TESK2: variants seen among roughly 807,000 people sequenced by gnomAD.
TESK2 encodes the protein dual specificity testis-specific protein kinase 2.
A neutral mutation model predicts 57.1 loss-of-function variants in TESK2; 39 were observed. That is an observed-to-expected ratio of 0.68 (90% confidence interval 0.53 to 0.89). The LOEUF (loss-of-function observed/expected upper bound fraction) is 0.89, where lower values mean the gene tolerates loss of function less well. TESK2 is among the 40% of genes least tolerant of loss of function. The probability of loss-of-function intolerance (pLI) is 0.00; values close to 1 mark genes in which losing one functional copy is unlikely to be tolerated. For synonymous variants in TESK2, 249 were observed against 267.9 expected (o/e 0.93, Z 0.69); for missense variants, 646 against 732.1 (o/e 0.88, Z 1.36).
chr1:45,436,395 G>A (rs1466064091), intron 2 of TESK2, among the ~76,000 whole-genome samples: 1 of 149,964 alleles, frequency 6.7e-6, no homozygotes, highest in Non-Finnish European at 1.5e-5. Context: ...ATGTTGGCCA[G>A]GCTGGTCGCA....
At chr1:45,367,402 CCT>C (rs1491138212) in intron 4 of TESK2, among the ~76,000 whole-genome samples, 1 of 151,328 alleles carries the variant, frequency 6.6e-6, no homozygotes, top group African/African-American at 2.4e-5. Flanking sequence ...TCCTCGTTCT[CCT>C]TTTTTTTTTT....
chr1:45,484,340 C>T (rs1332223155), intron 1 of TESK2, among the ~76,000 whole-genome samples: 1 of 151,896 alleles, frequency 6.6e-6, no homozygotes, highest in Non-Finnish European at 1.5e-5. Context: ...AACTCCTGAC[C>T]TCAGGTGATC....
chr1:45,383,332 T>G (rs1648737633), intron 4 of TESK2, among the ~76,000 whole-genome samples: 1 of 152,218 alleles, frequency 6.6e-6, no homozygotes, highest in African/African-American at 2.4e-5. Context: ...CCTTTGCTGA[T>G]CCCTTCTAAA....
chr1:45,473,187 A>C (rs980028220), intron 1 of TESK2, among the ~76,000 whole-genome samples: 1 of 151,690 alleles, frequency 6.6e-6, no homozygotes, highest in African/African-American at 2.4e-5. Flanking sequence ...CTTACTAAAA[A>C]ATTTCCCAAA....
chr1:45,346,622 T>C, intron 9 of TESK2, 71 bp downstream of exon 9: 1 of 1,337,852 alleles, frequency 7.5e-7, no homozygotes, highest in Admixed American at 1.9e-5. Flanking sequence ...GCAGCCTCTC[T>C]GTACAGTCCT....
intron 2 of TESK2, among the ~76,000 whole-genome samples, chr1:45,440,951 T>G (rs893404471): frequency 2.0e-5 from 3 of 152,038 alleles, no homozygotes; most frequent in African/African-American, 7.2e-5. Flanking sequence ...AACAACCACA[T>G]AAAGTTAGTA....
rs190280178 is a variant in TESK2 at position 45,457,631 on chromosome 1, C to A, written c.155G>T (p.Arg52Ile). ...SYRALISAFS[R>I]LTRLDDFTCE... ...GGTGAAATCATCCAAACGCGTCAGTCTGGAAAAGGCACTTATAAGAGCTCG... is the reference window on the plus strand; with the variant it reads ...GGTGAAATCATCCAAACGCGTCAGTATGGAAAAGGCACTTATAAGAGCTCG... Residue 52 changes from arginine (R) to isoleucine (I), a missense_variant, in exon 2 of 11, where the codon AGA becomes ATA. Arg to Ile is a moderately conservative substitution (Grantham distance 97). Transcript: ENST00000372086. 6.8e-6 allele frequency: 11 copies of A among 1,614,076 alleles called. No homozygotes were observed. In the Admixed American group the frequency reaches 1.7e-4, roughly 24 times the overall value.
intron 1 of TESK2, among the ~76,000 whole-genome samples, chr1:45,475,568 T>G (rs75131488): frequency 6.6e-6 from 1 of 152,134 alleles, no homozygotes; most frequent in Non-Finnish European, 1.5e-5. Flanking sequence ...CAAAGATATA[T>G]GTACAAGAAT....
intron 2 of TESK2, among the ~76,000 whole-genome samples, chr1:45,425,206 A>T (rs751985371): frequency 1.5e-4 from 23 of 152,364 alleles, no homozygotes; most frequent in Middle Eastern, 6.8e-3. Flanking sequence ...AAATTCAGAA[A>T]AGTTACAGCA....
intron 2 of TESK2, among the ~76,000 whole-genome samples, chr1:45,448,979 C>A (rs758249169): frequency 6.6e-6 from 1 of 151,996 alleles, no homozygotes; most frequent in Non-Finnish European, 1.5e-5. Flanking sequence ...AATCCTAGCA[C>A]GGTGGAAGGC....
At chr1:45,421,286 T>C (rs1487739811) in intron 3 of TESK2, among the ~76,000 whole-genome samples, 1 of 152,104 alleles carries the variant, frequency 6.6e-6, no homozygotes, top group East Asian at 1.9e-4. Flanking sequence ...AGGCAAAATG[T>C]GTCTCCTCAA....
intron 1 of TESK2, among the ~76,000 whole-genome samples, chr1:45,476,719 C>T (rs902604635): frequency 6.1e-5 from 9 of 147,424 alleles, no homozygotes; most frequent in Middle Eastern, 3.9e-3. Flanking sequence ...TGGTGGCACA[C>T]GCCTGTAGTC....
intron 4 of TESK2, among the ~76,000 whole-genome samples, chr1:45,364,287 C>G (rs1306113535): frequency 1.3e-5 from 2 of 152,104 alleles, no homozygotes; most frequent in Non-Finnish European, 2.9e-5. Context: ...AGGGCAGGCC[C>G]TTAATCCAAT....
At chr1:45,391,062 C>T (rs1332677633) in intron 3 of TESK2, among the ~76,000 whole-genome samples, 3 of 151,676 alleles carry the variant, frequency 2.0e-5, no homozygotes, top group Non-Finnish European at 2.9e-5. Context: ...GAACTATAGG[C>T]GCATGCCACC....
At chr1:45,384,389 GTCTATCTATCTATCTATCTATCTA>G (rs71052870) in intron 4 of TESK2, among the ~76,000 whole-genome samples, 1 of 144,264 alleles carries the variant, frequency 6.9e-6, no homozygotes, top group East Asian at 2.1e-4. Context: ...CTATCTATCT[GTCTATCTATCTATCTATCTATCTA>G]TCTATCTATC....
intron 4 of TESK2, among the ~76,000 whole-genome samples, chr1:45,369,798 A>G (rs1557546312): frequency 6.7e-6 from 1 of 150,242 alleles, no homozygotes; most frequent in African/African-American, 2.5e-5. Flanking sequence ...TGCAACCTCC[A>G]CCTCCTGGGT....
intron 4 of TESK2, among the ~76,000 whole-genome samples, chr1:45,361,057 A>T (rs1351793787): frequency 4.6e-5 from 7 of 152,130 alleles, no homozygotes; most frequent in African/African-American, 1.4e-4. Flanking sequence ...ACCTCAGGTG[A>T]TCCACCCGCC....
At chr1:45,485,378 G>A (rs1271078802) in intron 1 of TESK2, among the ~76,000 whole-genome samples, 2 of 151,978 alleles carry the variant, frequency 1.3e-5, no homozygotes, top group South Asian at 2.1e-4. Context: ...TAGTAGAGAC[G>A]GGGTTTCACC....
At chr1:45,374,081 C>T (rs1648310730) in intron 4 of TESK2, among the ~76,000 whole-genome samples, 1 of 152,174 alleles carries the variant, frequency 6.6e-6, no homozygotes. Flanking sequence ...GCTAGAAATC[C>T]TCTGAAGAAC....
Sources: allele counts gnomAD v4.1 joint callset (sites outside exome capture counted in the v4.1 genomes callset), GRCh38; gene constraint gnomAD v4.1.1; transcripts MANE v1.5; gene names NCBI Gene and HGNC (gene_info 2026-07-23, HGNC 2026-07-21).